The following MACROD2 variants were observed in gnomAD, a reference collection of about 807,000 sequenced individuals.
MACROD2 encodes the protein ADP-ribose glycohydrolase MACROD2.
MACROD2 carries 36 observed loss-of-function variants against 70.4 expected under a neutral mutation model. The ratio of observed to expected loss-of-function variants is 0.51; its 90% CI spans 0.39 to 0.68. The LOEUF is 0.68. MACROD2 is among the 30% of genes least tolerant of loss of function. The pLI is 0.00. For synonymous variants in MACROD2, 172 were observed against 178.8 expected (o/e 0.96, Z 0.30); for missense variants, 496 against 538.4 (o/e 0.92, Z 0.78).
chr20:15,387,511 C>G (rs2045732520), intron 6 of MACROD2, among the ~76,000 whole-genome samples: 1 of 151,254 alleles, frequency 6.6e-6, no homozygotes, highest in Non-Finnish European at 1.5e-5. Flanking sequence ...CTTTTCCCCC[C>G]TTCCCCCTCT....
intron 6 of MACROD2, among the ~76,000 whole-genome samples, chr20:15,287,131 A>C (rs2077499494): frequency 6.6e-6 from 1 of 152,284 alleles, no homozygotes; most frequent in African/African-American, 2.4e-5. Flanking sequence ...AATTCAATGT[A>C]AAAGGAAGGA....
At chr20:15,829,867 G>A (rs116978189) in intron 8 of MACROD2, among the ~76,000 whole-genome samples, 2 of 152,268 alleles carry the variant, frequency 1.3e-5, no homozygotes, top group East Asian at 3.9e-4. Flanking sequence ...AACTAACTCA[G>A]CCTAGAGGAG....
intron 8 of MACROD2, among the ~76,000 whole-genome samples, chr20:15,606,358 C>G (rs147233453): frequency 4.6e-5 from 7 of 152,268 alleles, no homozygotes; most frequent in African/African-American, 1.7e-4. Flanking sequence ...GCCTCTACTC[C>G]TGGCTTGCTT....
intron 5 of MACROD2, among the ~76,000 whole-genome samples, chr20:14,970,629 A>AT (rs1266008814): frequency 1.3e-5 from 2 of 151,614 alleles, no homozygotes; most frequent in African/African-American, 4.9e-5. Flanking sequence ...ATTTGATTAA[A>AT]TTTTTTAAAA....
chr20:15,078,949 T>C (rs1462205220), intron 5 of MACROD2, among the ~76,000 whole-genome samples: 2 of 152,066 alleles, frequency 1.3e-5, no homozygotes, highest in Non-Finnish European at 2.9e-5. Flanking sequence ...CCTGGCCTCT[T>C]CCTTCACTTT....
intron 4 of MACROD2, among the ~76,000 whole-genome samples, chr20:14,573,030 A>G (rs190886367): frequency 4.3e-4 from 64 of 149,486 alleles, no homozygotes; most frequent in Middle Eastern, 3.4e-3. Flanking sequence ...AGTATAAACA[A>G]TATCATTTAG....
intron 3 of MACROD2, among the ~76,000 whole-genome samples, chr20:14,345,062 AAAATAT>A (rs1229272787): frequency 9.2e-5 from 14 of 152,238 alleles, no homozygotes; most frequent in African/African-American, 3.4e-4. Flanking sequence ...AAGGACTAGC[AAAATAT>A]AAATGTTAAA....
chr20:14,396,747 AACC>A (rs1346506045), intron 3 of MACROD2, among the ~76,000 whole-genome samples: 1 of 151,562 alleles, frequency 6.6e-6, no homozygotes, highest in Non-Finnish European at 1.5e-5. Flanking sequence ...AACGCGGTGA[AACC>A]CCGTCACTAC....
At chr20:14,710,272 A>T (rs2071322517) in intron 5 of MACROD2, among the ~76,000 whole-genome samples, 1 of 152,112 alleles carries the variant, frequency 6.6e-6, no homozygotes, top group African/African-American at 2.4e-5. Context: ...ACTTTGGGTG[A>T]GTGGTAAAGT....
At chr20:14,555,067 T>C (rs886275470) in intron 4 of MACROD2, among the ~76,000 whole-genome samples, 1 of 152,076 alleles carries the variant, frequency 6.6e-6, no homozygotes, top group Non-Finnish European at 1.5e-5. Context: ...AAGGTGACTG[T>C]AGTCAACAAT....
intron 4 of MACROD2, among the ~76,000 whole-genome samples, chr20:14,629,778 C>A (rs532696709): frequency 1.4e-4 from 21 of 152,210 alleles, no homozygotes; most frequent in South Asian, 4.1e-4. Flanking sequence ...TCTAGCCAAG[C>A]CTTTTTTCTT....
intron 5 of MACROD2, among the ~76,000 whole-genome samples, chr20:15,099,245 G>A (rs2075854909): frequency 6.6e-6 from 1 of 152,280 alleles, no homozygotes; most frequent in African/African-American, 2.4e-5. Flanking sequence ...ATATATTGAA[G>A]CCCTAACCAC....
intron 8 of MACROD2, among the ~76,000 whole-genome samples, chr20:15,681,176 T>C (rs1212084108): frequency 1.3e-5 from 2 of 152,318 alleles, no homozygotes; most frequent in Non-Finnish European, 2.9e-5. Context: ...CAAATTTACT[T>C]GGGTCTTGTA....
chr20:14,620,445 T>A (rs1983762446), intron 4 of MACROD2, among the ~76,000 whole-genome samples: 1 of 152,108 alleles, frequency 6.6e-6, no homozygotes, highest in Admixed American at 6.6e-5. Context: ...TTCTAACCAA[T>A]TCTGATAGGG....
intron 5 of MACROD2, among the ~76,000 whole-genome samples, chr20:14,870,550 A>C (rs923479776): frequency 6.6e-6 from 1 of 151,994 alleles, no homozygotes; most frequent in Admixed American, 6.6e-5. Flanking sequence ...ACTAATTTAC[A>C]CTTCCACTAA....
intron 5 of MACROD2, among the ~76,000 whole-genome samples, chr20:14,829,051 C>T (rs1207611055): frequency 2.7e-5 from 4 of 150,748 alleles, no homozygotes; most frequent in Admixed American, 6.6e-5. Context: ...TTAAGCCCAG[C>T]GTGCATTAGC....
chr20:14,710,175 A>G (rs2071320975), intron 5 of MACROD2, among the ~76,000 whole-genome samples: 1 of 152,178 alleles, frequency 6.6e-6, no homozygotes, highest in South Asian at 2.1e-4. Flanking sequence ...AGAGTAAGCA[A>G]GGAGACCTCG....
At chr20:15,263,153 T>C in intron 6 of MACROD2, among the ~76,000 whole-genome samples, 1 of 152,044 alleles carries the variant, frequency 6.6e-6, no homozygotes, top group African/African-American at 2.4e-5. Flanking sequence ...TTGTTTTCTT[T>C]TAGTAGTTTC....
intron 12 of MACROD2, among the ~76,000 whole-genome samples, chr20:15,950,387 T>C (rs1258150802): frequency 6.6e-6 from 1 of 151,942 alleles, no homozygotes; most frequent in Non-Finnish European, 1.5e-5. Context: ...GGAAGGAGGG[T>C]GTGTTAACCT....
Sources: gnomAD v4.1 joint callset for allele counts (sites outside exome capture counted in the v4.1 genomes callset) on GRCh38, gnomAD v4.1.1 for gene constraint, MANE v1.5 for transcripts, NCBI Gene and HGNC (gene_info 2026-07-23, HGNC 2026-07-21) for gene names.